Variants in RNF220 observed in about 807,000 individuals in gnomAD.
The protein encoded by RNF220 is E3 ubiquitin-protein ligase RNF220.
RNF220 carries 7 observed loss-of-function variants against 67.1 expected under a neutral mutation model. That is an observed-to-expected ratio of 0.10 (90% CI 0.06 to 0.20). The LOEUF (loss-of-function observed/expected upper bound fraction) is 0.20. RNF220 is among the 10% of genes least tolerant of loss of function. RNF220 has a pLI of 1.00. For missense variants in RNF220, 565 were observed against 740.3 expected, an observed-to-expected ratio of 0.76 and a Z score of 2.75; for synonymous variants, 270 against 283.2, an observed-to-expected ratio of 0.95 and a Z score of 0.47.
intron 3 of RNF220, among the ~76,000 whole-genome samples, chr1:44,618,347 C>A (rs527669016): frequency 3.9e-5 from 6 of 152,362 alleles, no homozygotes; most frequent in South Asian, 4.1e-4. Context: ...CTGAAAGAAG[C>A]CTTGTCCCAT....
chr1:44,636,150 G>C lies in RNF220; in HGVS notation c.1114G>C (p.Gly372Arg). The change falls in exon 8 of 15, where the codon GGT becomes CGT. Residue 372 changes from glycine to arginine, a missense_variant. Physicochemically the swap from Gly to Arg is moderately radical, Grantham distance 125. Coordinates refer to ENST00000361799, the MANE Select transcript of RNF220 (RefSeq NM_018150.4). ...GATACGGGCCACCACTCTCCTGGAA[G>C]GTGGCTTCCGAGGTACAAGCAGCTG... The part of the protein sequence containing the change: ...KRIRATTLLE[G>R]GFRGSGFIMC... The C allele has an allele frequency of 5.0e-6, 8 of 1,603,888 alleles. No individual in the cohort carries two copies. The highest frequency in any genetic ancestry group is 6.8e-6 in the Non-Finnish European group (8 of 1,172,256).
chr1:44,459,411 C>T (rs939104976), intron 2 of RNF220, among the ~76,000 whole-genome samples: 3 of 152,080 alleles, frequency 2.0e-5, no homozygotes, highest in African/African-American at 7.2e-5. Flanking sequence ...GTCTTCTACC[C>T]AATTTCCTTA....
intron 8 of RNF220, among the ~76,000 whole-genome samples, chr1:44,636,890 G>A (rs934486713): frequency 2.0e-5 from 3 of 152,240 alleles, no homozygotes; most frequent in African/African-American, 7.2e-5. Flanking sequence ...AGGTCAGACA[G>A]CAGAATTGGT....
chr1:44,641,359 G>A (rs1644484046), intron 8 of RNF220, among the ~76,000 whole-genome samples: 2 of 152,190 alleles, frequency 1.3e-5, no homozygotes, highest in South Asian at 2.1e-4. Flanking sequence ...TGACTGAAGG[G>A]TACTCTGGGC....
At chr1:44,614,435 C>A in intron 3 of RNF220, 138 bp downstream of exon 3, 1 of 926,900 alleles carries the variant, frequency 1.1e-6, no homozygotes, top group Non-Finnish European at 1.6e-6. Context: ...CTCCACAACT[C>A]TGTTTCAATC....
At chr1:44,468,908 C>T (rs1470603264) in intron 2 of RNF220, among the ~76,000 whole-genome samples, 1 of 139,748 alleles carries the variant, frequency 7.2e-6, no homozygotes, top group Non-Finnish European at 1.6e-5. Context: ...CAGAGCGAGA[C>T]TCTGTCTCAA....
chr1:44,535,099 T>C (rs1041476886), intron 2 of RNF220, among the ~76,000 whole-genome samples: 5 of 151,486 alleles, frequency 3.3e-5, no homozygotes, highest in Non-Finnish European at 5.9e-5. Context: ...TTACATTTCC[T>C]TCTGTGTGAG....
At position 44,645,312 on chromosome 1, in the gene RNF220, A is replaced by G; in HGVS notation, c.1366+36A>G. The stretch of plus-strand genomic sequence containing the variant: ...CCCCAGGTTAGGAGTAATGGGGGAG[A>G]GGGGGTATCCCTAGATGGTGGTGAC... On this transcript the variant is annotated intron_variant, in intron 11 of 14. Transcript: ENST00000361799. The surrounding 1 kb of genome is among the most constrained non-coding windows in gnomAD (Gnocchi z 5.0). The G allele has an allele frequency of 1.2e-6, 2 of 1,613,458 alleles. No individual in the cohort carries two copies. Among genetic ancestry groups the G allele is most frequent in the Non-Finnish European group, 8.5e-7 (1 of 1,179,602 alleles).
In RNF220 at chr1:44,460,688, C is replaced by T. The variant is rs1039939709; in HGVS notation, c.625+47966C>T. 1.1e-4 allele frequency among the ~76,000 whole-genome samples: 17 copies of T among 152,296 alleles called. 1 individual carries two copies. The highest frequency in any genetic ancestry group is 9.8e-4 in the Admixed American group (15 of 15,302). On this transcript the variant is annotated intron_variant, in intron 2 of 14. Transcript: ENST00000361799. ...TCCTCTTTTAGCTTCCCCAGACAAG[C>T]GCCCAGTGTTTCCTCTGCTAGACTT...
At chr1:44,495,544 C>G (rs909552384) in intron 2 of RNF220, among the ~76,000 whole-genome samples, 5 of 152,114 alleles carry the variant, frequency 3.3e-5, no homozygotes, top group Admixed American at 3.3e-4. Flanking sequence ...TGCAGGAGAC[C>G]TAAAAAATGA....
intron 2 of RNF220, among the ~76,000 whole-genome samples, chr1:44,557,881 G>A (rs998898391): frequency 2.0e-5 from 3 of 152,150 alleles, no homozygotes; most frequent in East Asian, 3.8e-4. Flanking sequence ...TTCCAGACTG[G>A]GTGGTGAGTC....
intron 2 of RNF220, among the ~76,000 whole-genome samples, chr1:44,554,444 T>C (rs556619990): frequency 4.7e-4 from 71 of 152,130 alleles, no homozygotes; most frequent in African/African-American, 1.6e-3. Flanking sequence ...TGAGACAGAA[T>C]AGGAATCCTG....
chr1:44,589,872 C>T (rs1288014594), intron 2 of RNF220, among the ~76,000 whole-genome samples: 4 of 152,144 alleles, frequency 2.6e-5, no homozygotes, highest in African/African-American at 9.7e-5. Flanking sequence ...ACTCAAGGTG[C>T]TCGTGGTCTG....
At chr1:44,516,152 A>T (rs2994537) in intron 2 of RNF220, among the ~76,000 whole-genome samples, 27,139 of 152,186 alleles carry the variant, frequency 0.18, 2,975 homozygotes, top group African/African-American at 0.31. Flanking sequence ...ATGATGCAAC[A>T]TATTTTTAAA....
At chr1:44,633,131 C>T (rs1318129281) in intron 6 of RNF220, among the ~76,000 whole-genome samples, 3 of 152,124 alleles carry the variant, frequency 2.0e-5, no homozygotes, top group African/African-American at 4.8e-5. Context: ...AGTTCAAGAT[C>T]CCCAGCTCTT....
intron 2 of RNF220, among the ~76,000 whole-genome samples, chr1:44,558,870 T>G (rs529738003): frequency 2.0e-5 from 3 of 152,330 alleles, no homozygotes; most frequent in Non-Finnish European, 4.4e-5. Flanking sequence ...TCAACCCAAC[T>G]TTTTCAGACC....
chr1:44,535,418 C>A lies in RNF220; in HGVS notation c.626-78747C>A, dbSNP rs530187336. On this transcript the variant is annotated intron_variant, in intron 2 of 14. Coordinates refer to ENST00000361799, the MANE Select transcript of RNF220 (RefSeq NM_018150.4). ...CCTCCCAAAGTGCTGCGATTACAGGCATGAGCCACCGTGCCCGGCCAGGAG... is the reference window on the plus strand; with the variant it reads ...CCTCCCAAAGTGCTGCGATTACAGGAATGAGCCACCGTGCCCGGCCAGGAG... Among the ~76,000 whole-genome samples, 3 of 152,078 alleles carry A rather than the reference C, an allele frequency of 2.0e-5. No homozygotes were observed. The South Asian group carries it at 6.2e-4, about 32-fold the overall frequency.
At chr1:44,419,975 A>G (rs139316856) in intron 2 of RNF220, 2 of 152,374 alleles carry the variant, frequency 1.3e-5, no homozygotes, top group African/African-American at 4.8e-5. Flanking sequence ...CGTGGAGTCC[A>G]CACATACGGA....
intron 2 of RNF220, among the ~76,000 whole-genome samples, chr1:44,502,574 A>C (rs2148091962): frequency 6.6e-6 from 1 of 152,318 alleles, no homozygotes; most frequent in South Asian, 2.1e-4. Flanking sequence ...TAGGAGACAC[A>C]GAGGAAATAA....
Sources: allele counts gnomAD v4.1 joint callset (sites outside exome capture counted in the v4.1 genomes callset), GRCh38; gene constraint gnomAD v4.1.1; non-coding constraint Gnocchi (gnomAD v3.1); transcripts MANE v1.5; gene names NCBI Gene and HGNC (gene_info 2026-07-23, HGNC 2026-07-21).